Variants in SMAD2 observed in about 807,000 individuals in gnomAD.
SMAD2 encodes MAD homolog 2.
SMAD2 carries 8 observed loss-of-function variants against 64.4 expected under a neutral mutation model. The observed-to-expected ratio is 0.12, with a 90% CI of 0.07 to 0.22. SMAD2 has a LOEUF of 0.22. Among genes scored for constraint, SMAD2 ranks in the 10% least tolerant of loss-of-function variants. SMAD2 has a pLI of 1.00. For synonymous variants in SMAD2, 203 were observed against 195.8 expected (o/e 1.04, Z -0.31); for missense variants, 289 against 561.2 (o/e 0.51, Z 4.90).
At chr18:47,886,570 CATCTATCTATCTATCTATCTATCT>C (rs5824712) in intron 2 of SMAD2, among the ~76,000 whole-genome samples, 4 of 146,704 alleles carry the variant, frequency 2.7e-5, no homozygotes, top group Non-Finnish European at 6.0e-5. Flanking sequence ...TATATCTATC[CATCTATCTATCTATCTATCTATCT>C]ATCTATCTAT....
At chr18:47,855,890 T>TC (rs1315099101) in intron 6 of SMAD2, among the ~76,000 whole-genome samples, 2 of 152,208 alleles carry the variant, frequency 1.3e-5, no homozygotes, top group African/African-American at 2.4e-5. Flanking sequence ...TAATGAAGAC[T>TC]CCCTTGTTAT....
At chr18:47,895,653 G>C (rs956496030) in intron 2 of SMAD2, 1 of 152,244 alleles carries the variant, frequency 6.6e-6, no homozygotes. Flanking sequence ...GAAATGGATG[G>C]TCTACCAAAC....
In SMAD2 at chr18:47,819,096, T is replaced by G. The variant is rs1330349247; in HGVS notation, c.*22731A>C. On this transcript the variant is annotated 3_prime_UTR_variant, in exon 11 of 11. Coordinates refer to ENST00000262160, the MANE Select transcript of SMAD2 (RefSeq NM_005901.6). Reference sequence around the variant, plus strand: ...TTCTATTCATCAAATAAATGAGTGCTAATACAAAATATATAGTAATTAACA... The same window carrying G: ...TTCTATTCATCAAATAAATGAGTGCGAATACAAAATATATAGTAATTAACA... 1 of 152,260 alleles carries G rather than the reference T, an allele frequency of 6.6e-6. No homozygotes were observed. Among genetic ancestry groups the G allele is most frequent in the Non-Finnish European group, 1.5e-5 (1 of 68,042 alleles). 9.4% of individuals were successfully genotyped at this position (152,260 alleles called of 1,614,324 possible). A position where few individuals can be genotyped will look rare whatever the true frequency, so the allele number is the denominator to read the frequency against.
chr18:47,893,237 A>T (rs567282789), intron 2 of SMAD2, among the ~76,000 whole-genome samples: 1 of 152,366 alleles, frequency 6.6e-6, no homozygotes, highest in South Asian at 2.1e-4. Flanking sequence ...TGACGTATCT[A>T]TAACTACAGC....
intron 1 of SMAD2, among the ~76,000 whole-genome samples, chr18:47,908,419 G>A (rs2033990975): frequency 6.6e-6 from 1 of 151,994 alleles, no homozygotes; most frequent in South Asian, 2.1e-4. Context: ...ATGTCTTGGA[G>A]ATTTGAGACA....
Position 47,813,967 on chromosome 18 carries a change from G to A in SMAD2, c.*27860C>T, listed in dbSNP as rs1912287164. The A allele has an allele frequency of 6.6e-6, 1 of 152,104 alleles. No homozygotes were observed. Among genetic ancestry groups the A allele is most frequent in the Non-Finnish European group, 1.5e-5 (1 of 68,054 alleles). 9.4% of individuals were successfully genotyped at this position (152,104 alleles called of 1,614,324 possible). A position where few individuals can be genotyped will look rare whatever the true frequency, so the allele number is the denominator to read the frequency against. ...GGGAGTGATGAGAAGAGGCAATGAA[G>A]TTTGGGGAGGGAAAGAAAAGTCTGT... is the stretch of plus-strand genomic sequence containing the variant. On this transcript the variant is annotated 3_prime_UTR_variant, in exon 11 of 11. Transcript: ENST00000262160.
rs1458852324 is a variant in SMAD2, at chr18:47,819,011, A to G, written c.*22816T>C. The G allele has an allele frequency of 6.6e-6, 1 of 152,248 alleles. No individual in the cohort carries two copies. The highest frequency in any genetic ancestry group is 1.5e-5 in the Non-Finnish European group (1 of 68,048). The allele number at this position is 152,248 out of a possible 1,614,324, so 9.4% of individuals were successfully genotyped here. ...GGTGTGTTTACACATATGTATATATATGTTGTATGTTGTGTCTACGTGGTA... is the reference window on the plus strand; with the variant it reads ...GGTGTGTTTACACATATGTATATATGTGTTGTATGTTGTGTCTACGTGGTA... On this transcript the variant is annotated 3_prime_UTR_variant, in exon 11 of 11. Coordinates refer to ENST00000262160, the MANE Select transcript of SMAD2 (RefSeq NM_005901.6).
At chr18:47,883,134 C>A (rs2032705456) in intron 2 of SMAD2, among the ~76,000 whole-genome samples, 1 of 152,102 alleles carries the variant, frequency 6.6e-6, no homozygotes, top group African/African-American at 2.4e-5. Context: ...AACTTTCTTT[C>A]CTAGCAGATT....
chr18:47,870,425 AC>A (rs770783263), intron 3 of SMAD2, 49 bp downstream of exon 3: 14 of 1,347,376 alleles, frequency 1.0e-5, no homozygotes, highest in Non-Finnish European at 1.4e-5. Flanking sequence ...TTCAAAATAT[AC>A]CCCCCTCCCA....
chr18:47,866,956 A>G (rs1297615425), intron 5 of SMAD2: 1 of 152,248 alleles, frequency 6.6e-6, no homozygotes, highest in Non-Finnish European at 1.5e-5. Flanking sequence ...ATTACTGGAT[A>G]TGCGTGTTGT....
intron 5 of SMAD2, among the ~76,000 whole-genome samples, chr18:47,866,651 T>C (rs1258853999): frequency 2.0e-5 from 3 of 152,198 alleles, no homozygotes; most frequent in Admixed American, 2.0e-4. Context: ...GTTATCTTAC[T>C]GTGTTTATTT....
At chr18:47,886,562 T>TCC (rs1326579676) in intron 2 of SMAD2, among the ~76,000 whole-genome samples, 16 of 130,718 alleles carry the variant, frequency 1.2e-4, no homozygotes, top group South Asian at 5.2e-4. Context: ...ACTATATCTA[T>TCC]ATCTATCCAT....
chr18:47,879,202 T>C (rs1407726034), intron 2 of SMAD2, among the ~76,000 whole-genome samples: 2 of 152,228 alleles, frequency 1.3e-5, no homozygotes, highest in East Asian at 3.8e-4. Context: ...TGTTCTTTTT[T>C]TCTTTAGGTT....
Position 47,840,032 on chromosome 18 carries a change from C to A in SMAD2, c.*1795G>T, listed in dbSNP as rs1400401924. On this transcript the variant is annotated 3_prime_UTR_variant, in exon 11 of 11. Coordinates refer to ENST00000262160, the MANE Select transcript of SMAD2 (RefSeq NM_005901.6). ...ACTGTAGTTGTCTTGTTCACCTTTA[C>A]CCAAAGACTAAGAAAAGTTCCTGGT... is the stretch of plus-strand genomic sequence containing the variant. The A allele has an allele frequency of 1.3e-5, 3 of 232,958 alleles. No homozygotes were observed. The highest frequency in any genetic ancestry group is 6.6e-5 in the African/African-American group (3 of 45,292). 14.4% of individuals were successfully genotyped at this position (232,958 alleles called of 1,614,324 possible).
At chr18:47,893,932 T>C (rs2033321218) in intron 2 of SMAD2, among the ~76,000 whole-genome samples, 1 of 152,172 alleles carries the variant, frequency 6.6e-6, no homozygotes, top group Admixed American at 6.5e-5. Context: ...TGGACAATTA[T>C]CACTTCAACT....
In SMAD2 at chr18:47,831,934, G is replaced by A. The variant is rs1297669064; in HGVS notation, c.*9893C>T. 1.3e-5 allele frequency: 2 copies of A among 151,926 alleles called. No individual in the cohort carries two copies. The highest frequency in any genetic ancestry group is 2.4e-5 in the African/African-American group (1 of 41,308). 9.4% of individuals were successfully genotyped at this position (151,926 alleles called of 1,614,324 possible). On this transcript the variant is annotated 3_prime_UTR_variant, in exon 11 of 11. Coordinates refer to ENST00000262160, the MANE Select transcript of SMAD2 (RefSeq NM_005901.6). ...GTTGGGCTTACTATTTTGATGAGAAGGGTGAATCTGTCAAAGGGTAAGCTG... is the reference window on the plus strand; with the variant it reads ...GTTGGGCTTACTATTTTGATGAGAAAGGTGAATCTGTCAAAGGGTAAGCTG...
intron 1 of SMAD2, among the ~76,000 whole-genome samples, chr18:47,916,957 A>G (rs967658740): frequency 6.6e-6 from 1 of 152,192 alleles, no homozygotes; most frequent in African/African-American, 2.4e-5. Context: ...ACTTAGTTAC[A>G]TGCACTAAAT....
chr18:47,929,006 A>G (rs145356407), intron 1 of SMAD2, among the ~76,000 whole-genome samples: 1 of 152,236 alleles, frequency 6.6e-6, no homozygotes, highest in Non-Finnish European at 1.5e-5. Context: ...TAAAAGTATT[A>G]CTTTTGAATT....
chr18:47,912,405 T>C (rs150307266), intron 1 of SMAD2: 1 of 152,336 alleles, frequency 6.6e-6, no homozygotes, highest in Non-Finnish European at 1.5e-5. Context: ...AATGGTACAT[T>C]CATCACTATT....
Sources: gnomAD v4.1 joint callset for allele counts (sites outside exome capture counted in the v4.1 genomes callset) on GRCh38, gnomAD v4.1.1 for gene constraint, MANE v1.5 for transcripts, NCBI Gene and HGNC (gene_info 2026-07-23, HGNC 2026-07-21) for gene names.